The following SLC4A4 variants were observed in gnomAD, a reference collection of about 807,000 sequenced individuals.
SLC4A4 encodes electrogenic sodium bicarbonate cotransporter 1.
In SLC4A4, 27 loss-of-function variants were observed where a neutral mutation model predicts 111.5. The observed-to-expected ratio is 0.24, with a 90% CI of 0.18 to 0.33. The LOEUF is 0.33. Ranked by LOEUF, SLC4A4 falls within the 10% of genes least tolerant of loss-of-function variation. The pLI, the probability that SLC4A4 is intolerant of heterozygous loss-of-function variation, is 1.00. For missense variants in SLC4A4, 909 were observed against 1,315.5 expected (o/e 0.69, Z 4.78); for synonymous variants, 443 against 463.4 (o/e 0.96, Z 0.57).
chr4:71,397,517 C>T (rs1372717280), intron 6 of SLC4A4, 60 bp from the exon 7 acceptor site: 36 of 1,389,936 alleles, frequency 2.6e-5, no homozygotes, highest in Non-Finnish European at 3.4e-5. Flanking sequence ...AAGTATACCA[C>T]CAAAGTCTTT....
chr4:71,401,976 A>G (rs972501108), intron 7 of SLC4A4, among the ~76,000 whole-genome samples: 3 of 152,182 alleles, frequency 2.0e-5, no homozygotes, highest in Non-Finnish European at 4.4e-5. Flanking sequence ...TAATCTGAGA[A>G]TCTATTCCAT....
rs565221339 is a variant in SLC4A4, at chr4:71,450,078, C to T, written c.1054-311C>T. Among the ~76,000 whole-genome samples the T allele has an allele frequency of 4.6e-5, 7 of 152,244 alleles. No individual in the cohort carries two copies. In the South Asian group the frequency reaches 1.5e-3, roughly 32 times the overall value. ...TTCTCCAAACCATTTTAATCTGGCTCCCATAGCAACTGTATCAGTAGTGGT... is the reference window on the plus strand; with the variant it reads ...TTCTCCAAACCATTTTAATCTGGCTTCCATAGCAACTGTATCAGTAGTGGT... On this transcript the variant is annotated intron_variant, in intron 9 of 25. Transcript: ENST00000264485.
chr4:71,202,673 C>T lies in SLC4A4; in HGVS notation c.-2+15272C>T, dbSNP rs535049944. 2.3e-4 allele frequency among the ~76,000 whole-genome samples: 35 copies of T among 151,966 alleles called. 1 individual carries two copies. Among genetic ancestry groups the T allele is most frequent in the Admixed American group, 7.9e-4 (12 of 15,260 alleles). On this transcript the variant is annotated intron_variant, in intron 1 of 25. Coordinates refer to ENST00000264485, the MANE Select transcript of SLC4A4 (RefSeq NM_001098484.3). ...GGGCTTCCTTGAATCCATTTTCCTC[C>T]CCAGTTTTAATTTAAATTGCTCGTA...
intron 11 of SLC4A4, 46 bp from the exon 12 acceptor site, chr4:71,453,449 G>A: frequency 1.3e-6 from 2 of 1,554,270 alleles, no homozygotes; most frequent in Non-Finnish European, 1.8e-6. Context: ...TAATTTGATG[G>A]TAATTTACTT....
chr4:71,254,715 T>A (rs1721315538), intron 2 of SLC4A4, among the ~76,000 whole-genome samples: 1 of 152,002 alleles, frequency 6.6e-6, no homozygotes, highest in South Asian at 2.1e-4. Context: ...TGAACTTTGA[T>A]AAATCTTTAT....
chr4:71,333,157 G>C (rs1190139216), intron 3 of SLC4A4, among the ~76,000 whole-genome samples: 2 of 152,178 alleles, frequency 1.3e-5, no homozygotes, highest in Admixed American at 1.3e-4. Context: ...TACCTGTCTT[G>C]GGAAAGCTTT....
intron 6 of SLC4A4, 62 bp from the exon 7 acceptor site, chr4:71,397,515 C>A: frequency 7.4e-7 from 1 of 1,357,110 alleles, no homozygotes; most frequent in Non-Finnish European, 1.1e-6. Flanking sequence ...TTAAGTATAC[C>A]ACCAAAGTCT....
intron 2 of SLC4A4, among the ~76,000 whole-genome samples, chr4:71,150,575 A>C (rs1744287801): frequency 6.6e-6 from 1 of 152,182 alleles, no homozygotes; most frequent in Non-Finnish European, 1.5e-5. Context: ...AATGCTATAA[A>C]GGTGCTGCCA....
chr4:71,083,010 T>A (rs896309740), intron 1 of SLC4A4, among the ~76,000 whole-genome samples: 3 of 151,904 alleles, frequency 2.0e-5, no homozygotes, highest in Non-Finnish European at 4.4e-5. Context: ...CATGCCACCA[T>A]GCCCAGATAA....
At chr4:71,361,721 T>C (rs1025650349) in intron 6 of SLC4A4, among the ~76,000 whole-genome samples, 6 of 152,234 alleles carry the variant, frequency 3.9e-5, no homozygotes, top group African/African-American at 1.4e-4. Flanking sequence ...TGGTCTGAGA[T>C]ACTTAGCTAA....
At chr4:71,202,631 AT>A (rs1395553488) in intron 1 of SLC4A4, among the ~76,000 whole-genome samples, 5 of 151,960 alleles carry the variant, frequency 3.3e-5, no homozygotes, top group African/African-American at 4.8e-5. Context: ...TTCTTTGAAA[AT>A]TTTTTTTAAA....
intron 2 of SLC4A4, among the ~76,000 whole-genome samples, chr4:71,154,226 T>C (rs577472720): frequency 6.6e-6 from 1 of 152,310 alleles, no homozygotes; most frequent in South Asian, 2.1e-4. Context: ...CTTATGGCTA[T>C]GGCTCTTCAA....
upstream of SLC4A4, among the ~76,000 whole-genome samples, chr4:71,183,174 G>A (rs1041718039): frequency 2.0e-4 from 30 of 152,148 alleles, no homozygotes; most frequent in African/African-American, 7.2e-4. Flanking sequence ...GACTCAGATT[G>A]AATAACCTGC....
chr4:71,085,960 T>C (rs1022658177), intron 1 of SLC4A4, among the ~76,000 whole-genome samples: 5 of 152,174 alleles, frequency 3.3e-5, no homozygotes, highest in African/African-American at 4.8e-5. Flanking sequence ...GGTAGCTTGA[T>C]GGGGATGGCA....
chr4:71,484,573 AG>A (rs746538904), intron 14 of SLC4A4, among the ~76,000 whole-genome samples: 12 of 151,624 alleles, frequency 7.9e-5, no homozygotes, highest in Non-Finnish European at 1.3e-4. Context: ...TACTAGAGCC[AG>A]GTAGTATAGT....
chr4:71,308,675 G>A (rs1161507754), intron 3 of SLC4A4, among the ~76,000 whole-genome samples: 4 of 152,192 alleles, frequency 2.6e-5, no homozygotes, highest in Admixed American at 2.6e-4. Context: ...GTGCTATCTG[G>A]CCCAGATACT....
At position 71,168,258 on chromosome 4, in the gene SLC4A4, C is replaced by T. The variant is rs529691871; in HGVS notation, c.-1-68318C>T. ...GTACAGTGGTGCAATCTCGGTTCAC[C>T]GTAACCTCCGCGTCCTGGGTTCAAG... On this transcript the variant is annotated intron_variant, in intron 2 of 26. Coordinates refer to the SLC4A4 transcript ENST00000649996. 1.5e-4 allele frequency among the ~76,000 whole-genome samples: 23 copies of T among 148,544 alleles called. No individual in the cohort carries two copies. In the South Asian group the frequency reaches 4.5e-3, roughly 29 times the overall value.
chr4:71,145,978 T>G lies in SLC4A4; in HGVS notation c.-2+53186T>G, dbSNP rs1413005751. On this transcript the variant is annotated intron_variant, in intron 2 of 26. Coordinates refer to the SLC4A4 transcript ENST00000649996. ...TCTGCTCTGATCTTAGTTATTTCTT[T>G]CCTTCTGCTAGCTTTGGAATGTGTT... Among the ~76,000 whole-genome samples, 16 of 152,194 alleles carry G rather than the reference T, an allele frequency of 1.1e-4. 1 individual carries two copies. The highest frequency in any genetic ancestry group is 3.1e-4 in the African/African-American group (13 of 41,548).
Position 71,197,115 on chromosome 4 carries a change from T to C in SLC4A4, c.-2+9714T>C, listed in dbSNP as rs184641844. Among the ~76,000 whole-genome samples, 99 of 152,118 alleles carry C rather than the reference T, an allele frequency of 6.5e-4. 1 individual carries two copies. In the East Asian group the frequency reaches 0.018, roughly 28 times the overall value. ...CTGTAATCCCAGCTACTTGGGAGGC[T>C]AAGACAGGAGAATTGCTTGAACCTG... On this transcript the variant is annotated intron_variant, in intron 1 of 25. Coordinates refer to ENST00000264485, the MANE Select transcript of SLC4A4 (RefSeq NM_001098484.3).
Sources: allele counts gnomAD v4.1 joint callset (sites outside exome capture counted in the v4.1 genomes callset), GRCh38; gene constraint gnomAD v4.1.1; transcripts MANE v1.5; gene names NCBI Gene and HGNC (gene_info 2026-07-23, HGNC 2026-07-21).